Variants in PAK1 observed in about 807,000 individuals in gnomAD.
PAK1 encodes the protein p21 (RAC1) activated kinase 1.
In PAK1, 29 loss-of-function variants were observed where a neutral mutation model predicts 67.4. That is an observed-to-expected ratio of 0.43 (90% CI 0.32 to 0.59). PAK1 has a LOEUF of 0.59. Among genes scored for constraint, PAK1 ranks in the 20% least tolerant of loss-of-function variants. The pLI is 0.07. For missense variants in PAK1, 337 were observed against 670.7 expected, an observed-to-expected ratio of 0.50 and a Z score of 5.50; for synonymous variants, 223 against 237.4, an observed-to-expected ratio of 0.94 and a Z score of 0.56.
At chr11:77,508,383 T>C in the PAK1 span, among the ~76,000 whole-genome samples, 2 of 152,186 alleles carry the variant, frequency 1.3e-5, no homozygotes, top group Admixed American at 6.5e-5. Flanking sequence ...TTGGTGCACA[T>C]TGGAGGGGAG....
chr11:77,432,460 T>G (rs751797326), intron 1 of PAK1, among the ~76,000 whole-genome samples: 39 of 150,514 alleles, frequency 2.6e-4, no homozygotes, highest in Non-Finnish European at 3.1e-4. Context: ...AAAAAAGAAA[T>G]AAAGAAAAGA....
chr11:77,380,899 C>A (rs551204251), intron 2 of PAK1, among the ~76,000 whole-genome samples: 3 of 152,204 alleles, frequency 2.0e-5, no homozygotes, highest in Non-Finnish European at 4.4e-5. Context: ...CTCTCCAGGG[C>A]AGGAATAAAT....
intron 1 of PAK1, among the ~76,000 whole-genome samples, chr11:77,435,087 A>G (rs1236601939): frequency 1.4e-5 from 2 of 144,948 alleles, no homozygotes; most frequent in Admixed American, 1.4e-4. Flanking sequence ...CTAAAACTAG[A>G]TTGTAGTACT....
At chr11:77,495,958 G>A in the PAK1 span, among the ~76,000 whole-genome samples, 1 of 151,798 alleles carries the variant, frequency 6.6e-6, no homozygotes, top group Admixed American at 6.6e-5. Flanking sequence ...GTATTCTGAA[G>A]ATGGATGGTA....
intron 1 of PAK1, among the ~76,000 whole-genome samples, chr11:77,415,584 A>T (rs931001552): frequency 3.3e-5 from 5 of 152,200 alleles, no homozygotes; most frequent in Non-Finnish European, 7.3e-5. Flanking sequence ...ATAAACATAG[A>T]AAAAGTACAG....
rs2137891791 is a variant in PAK1 at position 77,407,124 on chromosome 11, C to T, written c.-21-14583G>A. Reference sequence around the variant, plus strand: ...ATATCTTCCATTTTTATACATGAAGCTTAAAAAGATTAAAAATCAGGTAAC... The same window carrying T: ...ATATCTTCCATTTTTATACATGAAGTTTAAAAAGATTAAAAATCAGGTAAC... On this transcript the variant is annotated intron_variant, in intron 1 of 14. Coordinates refer to ENST00000356341, the MANE Select transcript of PAK1 (RefSeq NM_002576.5). Among the ~76,000 whole-genome samples, 3 of 152,172 alleles carry T rather than the reference C, an allele frequency of 2.0e-5. 1 individual carries two copies. The Middle Eastern group carries it at 0.01, about 518-fold the overall frequency.
intron 8 of PAK1, among the ~76,000 whole-genome samples, chr11:77,352,644 A>G (rs910568240): frequency 4.6e-5 from 7 of 152,164 alleles, no homozygotes; most frequent in African/African-American, 1.4e-4. Flanking sequence ...CCAGTCCTAC[A>G]AGCTCCATCC....
At chr11:77,327,065 G>A (rs955819587) in intron 14 of PAK1, among the ~76,000 whole-genome samples, 3 of 152,138 alleles carry the variant, frequency 2.0e-5, no homozygotes, top group East Asian at 3.8e-4. Flanking sequence ...GAAATGAAGC[G>A]AGAAGAGAAG....
chr11:77,457,968 AG>A (rs747865287), intron 1 of PAK1, among the ~76,000 whole-genome samples: 2 of 152,302 alleles, frequency 1.3e-5, no homozygotes, highest in Non-Finnish European at 2.9e-5. Flanking sequence ...TGCATTTATT[AG>A]GCATCTCTGA....
the PAK1 span, among the ~76,000 whole-genome samples, chr11:77,494,272 T>C: frequency 6.6e-6 from 1 of 152,198 alleles, no homozygotes; most frequent in African/African-American, 2.4e-5. Context: ...CCCATACAAC[T>C]GAATACTATG....
chr11:77,521,983 C>G, the PAK1 span, among the ~76,000 whole-genome samples: 1 of 152,212 alleles, frequency 6.6e-6, no homozygotes, highest in Non-Finnish European at 1.5e-5. Flanking sequence ...AGATTTGAAA[C>G]ATAATTTCAC....
intron 9 of PAK1, among the ~76,000 whole-genome samples, chr11:77,345,338 AC>A (rs1362402868): frequency 3.8e-5 from 3 of 78,524 alleles, no homozygotes; most frequent in African/African-American, 6.9e-5. Flanking sequence ...TTAAATAAAA[AC>A]AAAAAAAAAA....
At chr11:77,379,438 C>T in intron 3 of PAK1, 50 bp from the exon 4 acceptor site, 2 of 1,558,646 alleles carry the variant, frequency 1.3e-6, no homozygotes, top group Non-Finnish European at 8.7e-7. Context: ...CACAGGGGAG[C>T]CTGAAAGAAC....
chr11:77,364,239 G>C (rs557299861), intron 5 of PAK1, among the ~76,000 whole-genome samples: 2 of 152,280 alleles, frequency 1.3e-5, no homozygotes, highest in East Asian at 3.9e-4. Flanking sequence ...TAAAGTAAAA[G>C]CTGGAACAGA....
chr11:77,429,094 A>AAAAAAAAC lies in PAK1; in HGVS notation c.-21-36554_-21-36553insGTTTTTTT, dbSNP rs1565696623. 3.9e-5 allele frequency among the ~76,000 whole-genome samples: 4 copies of AAAAAAAAC among 102,582 alleles called. No homozygotes were observed. The African/African-American group carries it at 4.1e-4, about 10-fold the overall frequency. 67.3% of individuals were successfully genotyped at this position (102,582 alleles called of 152,430 possible). On this transcript the variant is annotated intron_variant, in intron 1 of 14. Coordinates refer to ENST00000356341, the MANE Select transcript of PAK1 (RefSeq NM_002576.5). The stretch of plus-strand genomic sequence containing the variant: ...AAAAAAAAAAAAAAAAAAAAAAAAA[A>AAAAAAAAC]CACACACACACACATCAGGATTCCT...
chr11:77,481,673 C>CAAA, the PAK1 span, among the ~76,000 whole-genome samples: 2 of 94,422 alleles, frequency 2.1e-5, no homozygotes, highest in African/African-American at 4.0e-5. Flanking sequence ...GACTCCATCT[C>CAAA]AAAAAAAAAA....
chr11:77,399,008 C>A (rs766460377), intron 1 of PAK1, among the ~76,000 whole-genome samples: 2 of 152,170 alleles, frequency 1.3e-5, no homozygotes, highest in Non-Finnish European at 2.9e-5. Flanking sequence ...AAAATATAAA[C>A]ACAGAATATG....
chr11:77,363,262 C>T (rs1021648901), intron 5 of PAK1, among the ~76,000 whole-genome samples: 1 of 152,098 alleles, frequency 6.6e-6, no homozygotes, highest in Non-Finnish European at 1.5e-5. Context: ...TTGAAAATGG[C>T]CACTGAAATG....
At chr11:77,502,754 C>A in the PAK1 span, among the ~76,000 whole-genome samples, 2 of 152,140 alleles carry the variant, frequency 1.3e-5, no homozygotes. Context: ...AGTGGGCACT[C>A]TGTCAACCCC....
Sources: gnomAD v4.1 joint callset for allele counts (sites outside exome capture counted in the v4.1 genomes callset) on GRCh38, gnomAD v4.1.1 for gene constraint, MANE v1.5 for transcripts, NCBI Gene and HGNC (gene_info 2026-07-23, HGNC 2026-07-21) for gene names.